FHIT: variants seen among roughly 807,000 people sequenced by gnomAD.
The protein encoded by FHIT is bis(5'-adenosyl)-triphosphatase.
A neutral mutation model predicts 17.9 loss-of-function variants in FHIT; 19 were observed. The observed-to-expected ratio is 1.06, with a 90% CI of 0.74 to 1.56. The LOEUF (loss-of-function observed/expected upper bound fraction) is 1.56, where lower values mean the gene tolerates loss of function less well. Ranked by LOEUF, FHIT falls within the 40% of genes most tolerant of loss-of-function variation. The pLI, the probability that FHIT is intolerant of heterozygous loss-of-function variation, is 0.00. For missense variants in FHIT, 248 were observed against 189.2 expected (o/e 1.31, Z -1.82); for synonymous variants, 81 against 69.7 (o/e 1.16, Z -0.81).
chr3:60,405,075 C>A (rs1392999066), intron 5 of FHIT, among the ~76,000 whole-genome samples: 1 of 152,136 alleles, frequency 6.6e-6, no homozygotes, highest in Non-Finnish European at 1.5e-5. Flanking sequence ...CAGCCAAATG[C>A]CTAGGAAGAT....
intron 5 of FHIT, among the ~76,000 whole-genome samples, chr3:60,277,432 G>A (rs1251868267): frequency 6.6e-6 from 1 of 152,162 alleles, no homozygotes; most frequent in African/African-American, 2.4e-5. Context: ...GCCAGCAGTT[G>A]TGCCAATAAG....
At chr3:61,187,134 A>G (rs2038539832) in intron 2 of FHIT, among the ~76,000 whole-genome samples, 1 of 152,220 alleles carries the variant, frequency 6.6e-6, no homozygotes, top group South Asian at 2.1e-4. Context: ...TCAGTCATGT[A>G]GGTGAGTGCA....
chr3:60,490,424 T>G (rs2034015559), intron 5 of FHIT, among the ~76,000 whole-genome samples: 1 of 152,106 alleles, frequency 6.6e-6, no homozygotes, highest in Non-Finnish European at 1.5e-5. Flanking sequence ...CATTTTGCTT[T>G]TTAAAAAATA....
chr3:61,020,180 C>T (rs2032337507), intron 3 of FHIT, among the ~76,000 whole-genome samples: 1 of 152,186 alleles, frequency 6.6e-6, no homozygotes, highest in African/African-American at 2.4e-5. Flanking sequence ...CCTACTTCTC[C>T]ACATCCTCTC....
chr3:60,125,288 G>A (rs1419223481), intron 5 of FHIT, among the ~76,000 whole-genome samples: 2 of 152,138 alleles, frequency 1.3e-5, no homozygotes, highest in Non-Finnish European at 2.9e-5. Context: ...TCTGTAAAAT[G>A]GTGGTAATAA....
intron 3 of FHIT, among the ~76,000 whole-genome samples, chr3:60,832,662 T>C (rs1702371594): frequency 6.6e-6 from 1 of 151,200 alleles, no homozygotes; most frequent in Admixed American, 6.6e-5. Context: ...TTTGTGTTGA[T>C]AATGTGCTGC....
intron 2 of FHIT, among the ~76,000 whole-genome samples, chr3:61,063,154 G>A (rs1275021084): frequency 6.6e-6 from 1 of 151,570 alleles, no homozygotes; most frequent in African/African-American, 2.4e-5. Flanking sequence ...TACTCGGGAG[G>A]CTGAGGCAGG....
chr3:60,607,410 T>C (rs2038642120), intron 4 of FHIT, among the ~76,000 whole-genome samples: 1 of 151,728 alleles, frequency 6.6e-6, no homozygotes, highest in African/African-American at 2.4e-5. Flanking sequence ...GGTAGAATTC[T>C]TTTTTAGGAT....
chr3:59,854,695 A>G (rs545265932), intron 8 of FHIT, among the ~76,000 whole-genome samples: 1 of 152,302 alleles, frequency 6.6e-6, no homozygotes, highest in South Asian at 2.1e-4. Context: ...ACAGGCACAA[A>G]GCTGGTAATT....
intron 4 of FHIT, among the ~76,000 whole-genome samples, chr3:60,658,227 T>C (rs1475943360): frequency 6.6e-6 from 1 of 152,164 alleles, no homozygotes; most frequent in Admixed American, 6.5e-5. Flanking sequence ...CTTAGCATAA[T>C]GTCCTCAAGT....
chr3:59,905,366 C>G (rs1002630166), intron 8 of FHIT, among the ~76,000 whole-genome samples: 3 of 152,116 alleles, frequency 2.0e-5, no homozygotes, highest in African/African-American at 7.2e-5. Flanking sequence ...GGGGGTGATA[C>G]CAGTAAGACC....
intron 5 of FHIT, among the ~76,000 whole-genome samples, chr3:60,455,843 G>A (rs900800348): frequency 1.3e-5 from 2 of 152,068 alleles, no homozygotes; most frequent in African/African-American, 4.8e-5. Context: ...GGACTAGGCT[G>A]CTTTCAGAGA....
intron 7 of FHIT, among the ~76,000 whole-genome samples, chr3:59,992,092 T>A (rs750014787): frequency 9.9e-5 from 15 of 152,008 alleles, no homozygotes; most frequent in Non-Finnish European, 1.8e-4. Flanking sequence ...GAAAGATTTG[T>A]CCAAGGCTGT....
At chr3:60,387,735 C>G (rs571838991) in intron 5 of FHIT, among the ~76,000 whole-genome samples, 3 of 152,120 alleles carry the variant, frequency 2.0e-5, no homozygotes, top group African/African-American at 7.2e-5. Context: ...CTCAAACACA[C>G]CATACTTATC....
chr3:60,952,206 T>C (rs1482799164), intron 3 of FHIT, among the ~76,000 whole-genome samples: 2 of 146,910 alleles, frequency 1.4e-5, no homozygotes, highest in Non-Finnish European at 3.0e-5. Flanking sequence ...TTCCACTTTT[T>C]ATCTATCTAT....
chr3:59,979,370 A>G (rs1708550897), intron 7 of FHIT, among the ~76,000 whole-genome samples: 1 of 152,126 alleles, frequency 6.6e-6, no homozygotes, highest in African/African-American at 2.4e-5. Flanking sequence ...TTCTTATCAC[A>G]TATTTTGCAT....
In FHIT at chr3:60,296,528, G is replaced by A. The variant is rs542141091; in HGVS notation, c.103+240332C>T. Among the ~76,000 whole-genome samples, 123 of 152,108 alleles carry A rather than the reference G, an allele frequency of 8.1e-4. 1 individual carries two copies. Among genetic ancestry groups the A allele is most frequent in the Non-Finnish European group, 1.3e-3 (90 of 67,970 alleles). On this transcript the variant is annotated intron_variant, in intron 5 of 9. Transcript: ENST00000492590. The stretch of plus-strand genomic sequence containing the variant: ...CTTTTTTGTTGTTGTTGAGTTTTGC[G>A]AGTTCATTATAAATGTTAGATAATA...
At chr3:59,963,673 G>C (rs1707793399) in intron 7 of FHIT, among the ~76,000 whole-genome samples, 1 of 152,192 alleles carries the variant, frequency 6.6e-6, no homozygotes, top group Non-Finnish European at 1.5e-5. Flanking sequence ...GAAAAATAGA[G>C]TGACTTGCTA....
intron 5 of FHIT, among the ~76,000 whole-genome samples, chr3:60,419,475 T>C (rs1459375274): frequency 2.6e-5 from 4 of 152,174 alleles, no homozygotes; most frequent in African/African-American, 4.8e-5. Context: ...AATAAAATAA[T>C]TGTTTTTTAC....
Sources: allele counts gnomAD v4.1 joint callset (sites outside exome capture counted in the v4.1 genomes callset), GRCh38; gene constraint gnomAD v4.1.1; transcripts MANE v1.5; gene names NCBI Gene and HGNC (gene_info 2026-07-23, HGNC 2026-07-21).